Variants in SLIT2 observed in about 807,000 individuals in gnomAD.
SLIT2 encodes the protein slit homolog 2 protein.
A neutral mutation model predicts 185.7 loss-of-function variants in SLIT2; 41 were observed. The observed-to-expected ratio is 0.22, with a 90% CI of 0.17 to 0.29. The LOEUF is 0.29. SLIT2 is among the 10% of genes least tolerant of loss of function. The pLI, the probability that SLIT2 is intolerant of heterozygous loss-of-function variation, is 1.00. For synonymous variants in SLIT2, 693 were observed against 680.2 expected (o/e 1.02, Z -0.29); for missense variants, 1,571 against 1,909.0 (o/e 0.82, Z 3.30).
In SLIT2 at chr4:20,467,820, A is replaced by C; in HGVS notation, c.464A>C (p.Asn155Thr). ...KAFRGAVDIK[N>T]LQLDYNQISC... ...TTCCGTGGGGCAGTTGACATAAAAA[A>C]TTTGTAAGTATCTATTTTTAAATTT... Residue 155 changes from asparagine to threonine, a missense_variant, in exon 5 of 37, where the codon AAT (asparagine) becomes ACT (threonine). Physicochemically the swap from Asn to Thr is moderately conservative, Grantham distance 65. This residue lies in a region of SLIT2 where 1,202 missense variants were observed against 1,416.4 expected (regional missense o/e 0.85). Coordinates refer to ENST00000504154, the MANE Select transcript of SLIT2 (RefSeq NM_004787.4). 1.3e-6 allele frequency: 2 copies of C among 1,544,930 alleles called. No homozygotes were observed. Among genetic ancestry groups the C allele is most frequent in the Non-Finnish European group, 1.8e-6 (2 of 1,127,836 alleles).
chr4:20,513,154 T>A (rs569356107), intron 11 of SLIT2, among the ~76,000 whole-genome samples: 2 of 152,338 alleles, frequency 1.3e-5, no homozygotes, highest in South Asian at 4.1e-4. Flanking sequence ...ACAGTTGTTT[T>A]AGAAGGCCGT....
intron 3 of SLIT2, among the ~76,000 whole-genome samples, chr4:20,268,016 A>G (rs1360919997): frequency 6.6e-6 from 1 of 151,936 alleles, no homozygotes; most frequent in Non-Finnish European, 1.5e-5. Flanking sequence ...GTTAAATTGT[A>G]CACTGAAAAC....
In SLIT2 at chr4:20,290,479, C is replaced by G. The variant is rs116320409; in HGVS notation, c.395+21598C>G. ...GGATGTGTTAGGTTCTATTCAAATA[C>G]TAGGCCATGTAAGGGACTTTTGCAT... On this transcript the variant is annotated intron_variant, in intron 4 of 36. Coordinates refer to ENST00000504154, the MANE Select transcript of SLIT2 (RefSeq NM_004787.4). Among the ~76,000 whole-genome samples the G allele has an allele frequency of 5.5e-3, 842 of 152,294 alleles. 9 individuals are homozygous for G. Among genetic ancestry groups the G allele is most frequent in the African/African-American group, 0.019 (798 of 41,552 alleles).
chr4:20,537,999 G>A (rs145615102), intron 18 of SLIT2, among the ~76,000 whole-genome samples: 1,870 of 152,002 alleles, frequency 0.012, 39 homozygotes, highest in African/African-American at 0.043. Flanking sequence ...TCGCTCTGTC[G>A]CCCAGGCTGG....
intron 4 of SLIT2, among the ~76,000 whole-genome samples, chr4:20,280,483 T>C (rs1280003164): frequency 2.6e-5 from 4 of 152,196 alleles, no homozygotes; most frequent in African/African-American, 7.2e-5. Flanking sequence ...TATATGAGTA[T>C]GTAGTAAGTC....
chr4:20,472,301 TAG>T (rs370598867), intron 5 of SLIT2, among the ~76,000 whole-genome samples: 1,618 of 13,500 alleles, frequency 0.12, 221 homozygotes, highest in African/African-American at 0.27. Context: ...TATAGATATA[TAG>T]ATCTATATAT....
intron 5 of SLIT2, among the ~76,000 whole-genome samples, chr4:20,470,831 C>T (rs1714917952): frequency 6.6e-6 from 1 of 152,146 alleles, no homozygotes; most frequent in African/African-American, 2.4e-5. Flanking sequence ...CCGCGTTGGC[C>T]TCACAAAGTG....
chr4:20,542,370 G>A (rs920736390), intron 20 of SLIT2, 124 bp from the exon 21 acceptor site: 6 of 924,634 alleles, frequency 6.5e-6, no homozygotes, highest in African/African-American at 5.0e-5. Flanking sequence ...TGAATGTCCC[G>A]CAAATAAATG....
chr4:20,462,660 C>T (rs1190728121), intron 4 of SLIT2, among the ~76,000 whole-genome samples: 2 of 152,206 alleles, frequency 1.3e-5, no homozygotes, highest in African/African-American at 4.8e-5. Flanking sequence ...TCCCTGTCTG[C>T]TCTGAAACTC....
chr4:20,262,744 C>T (rs531428698), intron 3 of SLIT2, among the ~76,000 whole-genome samples: 123 of 151,920 alleles, frequency 8.1e-4, no homozygotes, highest in African/African-American at 2.8e-3. Flanking sequence ...TTCACCTATT[C>T]GTAAGCAATG....
intron 4 of SLIT2, among the ~76,000 whole-genome samples, chr4:20,368,493 T>G (rs945333513): frequency 6.6e-6 from 1 of 152,060 alleles, no homozygotes; most frequent in African/African-American, 2.4e-5. Flanking sequence ...CACAACGATC[T>G]TTCTATATTG....
rs147085354 is a variant in SLIT2, at chr4:20,391,527, C to T, written c.396-76225C>T. The stretch of plus-strand genomic sequence containing the variant: ...TGCCTTTATGGCTGATCCATTTAGA[C>T]TTAAGCTGGAATTTTCATGACACAA... On this transcript the variant is annotated intron_variant, in intron 4 of 36. Transcript: ENST00000504154. Among the ~76,000 whole-genome samples the T allele has an allele frequency of 1.8e-4, 28 of 152,232 alleles. No individual in the cohort carries two copies. The East Asian group carries it at 5.4e-3, about 29-fold the overall frequency.
intron 4 of SLIT2, among the ~76,000 whole-genome samples, chr4:20,270,115 A>T (rs1370836228): frequency 6.6e-6 from 1 of 152,038 alleles, no homozygotes; most frequent in Non-Finnish European, 1.5e-5. Flanking sequence ...AACAAAAATT[A>T]TCTAATAACT....
intron 4 of SLIT2, among the ~76,000 whole-genome samples, chr4:20,439,494 G>C (rs756850672): frequency 1.7e-4 from 26 of 152,156 alleles, no homozygotes; most frequent in Non-Finnish European, 3.1e-4. Flanking sequence ...ATCTTCATGT[G>C]ATGTTCTGTC....
chr4:20,467,914 G>T, intron 5 of SLIT2, 91 bp downstream of exon 5: 3 of 638,164 alleles, frequency 4.7e-6, no homozygotes, highest in Non-Finnish European at 8.0e-6. Context: ...GAAAGAAATG[G>T]TGAAAACCCT....
At chr4:20,445,071 A>G (rs1221541001) in intron 4 of SLIT2, among the ~76,000 whole-genome samples, 1 of 152,180 alleles carries the variant, frequency 6.6e-6, no homozygotes, top group East Asian at 1.9e-4. Context: ...CCCTAGCTGC[A>G]CTGATCAGTC....
intron 3 of SLIT2, 130 bp downstream of exon 3, chr4:20,258,069 G>A (rs1712039829): frequency 5.5e-6 from 3 of 541,840 alleles, no homozygotes; most frequent in Admixed American, 3.4e-5. Context: ...GGATGAATGA[G>A]TGGTTTTCAG....
At chr4:20,515,692 T>C (rs546707893) in intron 11 of SLIT2, among the ~76,000 whole-genome samples, 3 of 150,122 alleles carry the variant, frequency 2.0e-5, no homozygotes, top group Non-Finnish European at 4.4e-5. Flanking sequence ...AAAAAATTTA[T>C]AAGTATAATT....
Position 20,572,169 on chromosome 4 carries a change from G to A in SLIT2, c.3088+3165G>A, listed in dbSNP as rs186319908. Among the ~76,000 whole-genome samples, 150 of 152,260 alleles carry A rather than the reference G, an allele frequency of 9.9e-4. 1 individual carries two copies. Among genetic ancestry groups the A allele is most frequent in the African/African-American group, 3.4e-3 (143 of 41,568 alleles). On this transcript the variant is annotated intron_variant, in intron 29 of 36. Coordinates refer to ENST00000504154, the MANE Select transcript of SLIT2 (RefSeq NM_004787.4). ...AGCATGAATTGTAAGGACAAGTACTGTTTTTCTGTTATTTAAATATTGCTG... is the reference window on the plus strand; with the variant it reads ...AGCATGAATTGTAAGGACAAGTACTATTTTTCTGTTATTTAAATATTGCTG...
Sources: allele counts gnomAD v4.1 joint callset (sites outside exome capture counted in the v4.1 genomes callset), GRCh38; gene constraint gnomAD v4.1.1; regional missense constraint gnomAD v4.1.1; transcripts MANE v1.5; gene names NCBI Gene and HGNC (gene_info 2026-07-23, HGNC 2026-07-21).